The following CACNA1C variants were observed in gnomAD, a reference collection of about 807,000 sequenced individuals.
The protein encoded by CACNA1C is calcium voltage-gated channel subunit alpha1 C, also known as voltage-dependent L-type calcium channel subunit alpha-1C.
A neutral mutation model predicts 229.0 loss-of-function variants in CACNA1C; 30 were observed. The ratio of observed to expected loss-of-function variants is 0.13; its 90% CI spans 0.10 to 0.18. The LOEUF (loss-of-function observed/expected upper bound fraction) is 0.18, where lower values mean the gene tolerates loss of function less well. Among genes scored for constraint, CACNA1C ranks in the 10% least tolerant of loss-of-function variants. CACNA1C has a pLI of 1.00. For missense variants in CACNA1C, 1,658 were observed against 2,845.0 expected (o/e 0.58, Z 9.49); for synonymous variants, 1,114 against 1,132.5 (o/e 0.98, Z 0.33).
Position 2,556,954 on chromosome 12 carries a change from C to A in CACNA1C, c.1485C>A (p.His495Gln), listed in dbSNP as rs373335068. The A allele has an allele frequency of 3.5e-5, 57 of 1,612,650 alleles. No individual in the cohort carries two copies. The African/African-American group carries it at 7.5e-4, about 21-fold the overall frequency. ...EGENCGARLA[H>Q]RISKSKFSRY... is the part of the protein sequence containing the mutation. The stretch of plus-strand genomic sequence containing the variant: ...ACATTTCCTTTTTCTTTTTCAGCCA[C>A]CGGATCTCCAAGTCAAAGTTCAGGT... Residue 495 changes from histidine to glutamine, a missense_variant, in exon 11 of 47, where the codon CAC becomes CAA. By Grantham distance (24) the His-to-Gln change is conservative (BLOSUM62 0). Transcript: ENST00000399655.
chr12:2,499,335 C>A lies in CACNA1C; in HGVS notation c.1114-5507C>A, dbSNP rs143547674. The stretch of plus-strand genomic sequence containing the variant: ...GCCTTTCGATGGCAGGTGTCAGCCT[C>A]TCTCTCGACATTTGCTGAAACGATT... On this transcript the variant is annotated intron_variant, in intron 7 of 46. Coordinates refer to ENST00000399655, the MANE Select transcript of CACNA1C (RefSeq NM_000719.7). Among the ~76,000 whole-genome samples the A allele has an allele frequency of 5.3e-5, 8 of 152,192 alleles. No individual in the cohort carries two copies. In the East Asian group the frequency reaches 1.6e-3, roughly 30 times the overall value.
chr12:2,095,606 G>A (rs938198977), intron 1 of CACNA1C, among the ~76,000 whole-genome samples: 14 of 152,156 alleles, frequency 9.2e-5, no homozygotes, highest in African/African-American at 2.7e-4. Context: ...CCAGTGTTTC[G>A]CCAGTCCTTC....
Position 2,359,934 on chromosome 12 carries a change from C to T in CACNA1C, c.478-89042C>T, listed in dbSNP as rs190571689. On this transcript the variant is annotated intron_variant, in intron 3 of 46. Coordinates refer to ENST00000399655, the MANE Select transcript of CACNA1C (RefSeq NM_000719.7). ...TCTTCCACCAAGCAGTCTTCCCAGA[C>T]GAGAGCAGCACTGGGACGGTGGTAG... is the stretch of plus-strand genomic sequence containing the variant. Among the ~76,000 whole-genome samples the T allele has an allele frequency of 8.5e-3, 1,288 of 152,180 alleles. 8 individuals carry two copies. Among genetic ancestry groups the T allele is most frequent in the Non-Finnish European group, 0.012 (808 of 67,990 alleles).
intron 3 of CACNA1C, among the ~76,000 whole-genome samples, chr12:2,340,173 T>A (rs542565412): frequency 3.9e-5 from 6 of 152,344 alleles, no homozygotes; most frequent in African/African-American, 1.4e-4. Flanking sequence ...TTCTTCTATA[T>A]ACAACTTTAT....
intron 30 of CACNA1C, chr12:2,641,702 T>A: frequency 2.8e-6 from 2 of 702,454 alleles, no homozygotes; most frequent in Non-Finnish European, 5.2e-6. Context: ...AATAGATCAT[T>A]GTACCTTGAA....
chr12:2,418,964 A>G (rs1012776484), intron 3 of CACNA1C, among the ~76,000 whole-genome samples: 10 of 152,188 alleles, frequency 6.6e-5, no homozygotes, highest in African/African-American at 2.4e-4. Flanking sequence ...ACATACAAAC[A>G]AATGTGTACA....
chr12:2,011,435 A>T (rs1045482952), intron 1 of CACNA1C: 3 of 152,306 alleles, frequency 2.0e-5, no homozygotes, highest in Non-Finnish European at 4.4e-5. Flanking sequence ...TCATTATCAT[A>T]GCGCTAAGGT....
At chr12:2,571,294 T>C (rs2054259366) in intron 13 of CACNA1C, among the ~76,000 whole-genome samples, 1 of 152,184 alleles carries the variant, frequency 6.6e-6, no homozygotes, top group African/African-American at 2.4e-5. Context: ...AGAGCTGACC[T>C]GTCTTCTTGT....
Position 2,115,564 on chromosome 12 carries a change from G to T in CACNA1C, c.371+19G>T. ...AATGGAAATATCCTTTGTTCACCGG[G>T]CTGGGCATGCTCCTGGGACCTGCAC... On this transcript the variant is annotated intron_variant, in intron 2 of 46. Coordinates refer to ENST00000399655, the MANE Select transcript of CACNA1C (RefSeq NM_000719.7). 4 of 1,611,368 alleles carry T rather than the reference G, an allele frequency of 2.5e-6. No homozygotes were observed. The highest frequency in any genetic ancestry group is 1.1e-5 in the South Asian group (1 of 91,000).
chr12:2,166,058 G>C (rs1238892666), intron 3 of CACNA1C, among the ~76,000 whole-genome samples: 1 of 152,222 alleles, frequency 6.6e-6, no homozygotes, highest in African/African-American at 2.4e-5. Context: ...TCAAAGACTT[G>C]TCTTTTATCC....
intron 3 of CACNA1C, among the ~76,000 whole-genome samples, chr12:2,448,411 G>A (rs1596524989): frequency 6.6e-6 from 1 of 152,174 alleles, no homozygotes; most frequent in African/African-American, 2.4e-5. Context: ...GTGTATGTGA[G>A]CAGGTTGCCT....
rs2096873285 is a variant in CACNA1C, at chr12:2,677,322, G to A, written c.4956+101G>A. ...CCCTCCCCAGCAGGCTGGAGGCCAGGTCCCTGCAGAGGGAACCTTTCAGAG... is the reference window on the plus strand; with the variant it reads ...CCCTCCCCAGCAGGCTGGAGGCCAGATCCCTGCAGAGGGAACCTTTCAGAG... On this transcript the variant is annotated intron_variant, in intron 40 of 46. Transcript: ENST00000399655. The surrounding 1 kb of genome is among the most constrained non-coding windows in gnomAD (Gnocchi z 7.4). 7.4e-7 allele frequency: 1 copy of A among 1,354,006 alleles called. No individual in the cohort carries two copies. The highest frequency in any genetic ancestry group is 1.0e-6 in the Non-Finnish European group (1 of 993,788). 83.9% of individuals were successfully genotyped at this position (1,354,006 alleles called of 1,614,324 possible).
At chr12:2,176,975 C>G (rs2096664681) in intron 3 of CACNA1C, among the ~76,000 whole-genome samples, 1 of 152,196 alleles carries the variant, frequency 6.6e-6, no homozygotes, top group Non-Finnish European at 1.5e-5. Flanking sequence ...GGCCATCAGT[C>G]TACGGAGGGT....
chr12:2,583,804 C>G (rs544384533), intron 15 of CACNA1C, among the ~76,000 whole-genome samples: 1 of 152,352 alleles, frequency 6.6e-6, no homozygotes, highest in African/African-American at 2.4e-5. Context: ...CTGGACAAAG[C>G]CCCTCTTCCC....
At chr12:2,115,094 C>T in intron 1 of CACNA1C, 130 bp from the exon 2 acceptor site, 2 of 708,006 alleles carry the variant, frequency 2.8e-6, no homozygotes, top group Non-Finnish European at 4.6e-6. Flanking sequence ...TTCCACGTGC[C>T]ACCTCCTAAC....
chr12:2,688,699 C>G lies in CACNA1C; in HGVS notation c.6037C>G (p.Pro2013Ala). 1 of 1,611,672 alleles carries G rather than the reference C, an allele frequency of 6.2e-7. No homozygotes were observed. The highest frequency in any genetic ancestry group is 8.5e-7 in the Non-Finnish European group (1 of 1,179,178). Residue 2013 changes from proline (P) to alanine (A), a missense_variant, in exon 46 of 47, where the codon CCC (proline) becomes GCC (alanine). Transcript: ENST00000399655. Reference sequence around the variant, plus strand: ...CAGCAGCGCCGCCCGGAGAGTCCGGCCCGTCTCCCTCATGGTGCCCAGCCA... The same window carrying G: ...CAGCAGCGCCGCCCGGAGAGTCCGGGCCGTCTCCCTCATGGTGCCCAGCCA... Reference protein sequence around the residue: ...GGSSAARRVRPVSLMVPSQAG... With the variant: ...GGSSAARRVRAVSLMVPSQAG...
At chr12:2,278,535 A>T (rs118004017) in intron 3 of CACNA1C, among the ~76,000 whole-genome samples, 1 of 152,166 alleles carries the variant, frequency 6.6e-6, no homozygotes, top group Non-Finnish European at 1.5e-5. Context: ...TTCATTCAGC[A>T]TAATTATTTT....
chr12:2,192,132 G>T (rs968097908), intron 3 of CACNA1C, among the ~76,000 whole-genome samples: 1 of 152,028 alleles, frequency 6.6e-6, no homozygotes, highest in African/African-American at 2.4e-5. Context: ...TCCCTCTCAC[G>T]GTTTTTGGTT....
At chr12:2,378,815 TTC>T (rs764604785) in intron 3 of CACNA1C, among the ~76,000 whole-genome samples, 14,576 of 136,582 alleles carry the variant, frequency 0.11, 782 homozygotes, top group Non-Finnish European at 0.13. Context: ...CCTTCCTTCC[TTC>T]CTCTCTCTCT....
Sources: gnomAD v4.1 joint callset for allele counts (sites outside exome capture counted in the v4.1 genomes callset) on GRCh38, gnomAD v4.1.1 for gene constraint, Gnocchi (gnomAD v3.1) non-coding constraint, MANE v1.5 for transcripts, NCBI Gene and HGNC (gene_info 2026-07-23, HGNC 2026-07-21) for gene names.